PLA2G4A: variants seen among roughly 807,000 people sequenced by gnomAD.
The protein encoded by PLA2G4A is cytosolic phospholipase A2.
PLA2G4A carries 40 observed loss-of-function variants against 81.9 expected under a neutral mutation model. The ratio of observed to expected loss-of-function variants is 0.49; its 90% CI spans 0.38 to 0.64. The LOEUF is 0.64. Ranked by LOEUF, PLA2G4A falls within the 30% of genes least tolerant of loss-of-function variation. The probability of loss-of-function intolerance (pLI) is 0.00; values close to 1 mark genes in which losing one functional copy is unlikely to be tolerated. For missense variants in PLA2G4A, 715 were observed against 905.1 expected, an observed-to-expected ratio of 0.79 and a Z score of 2.69; for synonymous variants, 302 against 296.9, an observed-to-expected ratio of 1.02 and a Z score of -0.18.
chr1:186,918,366 C>T (rs1558436404), intron 7 of PLA2G4A, among the ~76,000 whole-genome samples: 1 of 152,082 alleles, frequency 6.6e-6, no homozygotes, highest in African/African-American at 2.4e-5. Flanking sequence ...TTAACAGGCC[C>T]TTTTCCTTAT....
At chr1:186,911,135 G>GGAA in intron 6 of PLA2G4A, 113 bp from the exon 7 acceptor site, 1 of 840,392 alleles carries the variant, frequency 1.2e-6, no homozygotes, top group Non-Finnish European at 2.1e-6. Flanking sequence ...ATGGCTTGAG[G>GGAA]GAAGCAGTCA....
chr1:186,912,445 C>T (rs1036696914), intron 7 of PLA2G4A, among the ~76,000 whole-genome samples: 1 of 151,976 alleles, frequency 6.6e-6, no homozygotes, highest in Non-Finnish European at 1.5e-5. Flanking sequence ...CCTAGAAATC[C>T]TCTGTGCTCC....
intron 1 of PLA2G4A, among the ~76,000 whole-genome samples, chr1:186,837,736 C>CCAAAAAAA (rs1553267317): frequency 5.6e-4 from 31 of 55,228 alleles, no homozygotes; most frequent in Non-Finnish European, 6.5e-5. Flanking sequence ...GACTCCGTCT[C>CCAAAAAAA]AAAAAAAAAA....
intron 7 of PLA2G4A, among the ~76,000 whole-genome samples, chr1:186,915,678 C>T (rs959984182): frequency 4.6e-5 from 7 of 152,008 alleles, no homozygotes; most frequent in Admixed American, 1.3e-4. Flanking sequence ...AGTATAATGC[C>T]GTGGGGGCTG....
intron 1 of PLA2G4A, among the ~76,000 whole-genome samples, chr1:186,841,204 T>A (rs1172053501): frequency 1.3e-5 from 2 of 152,080 alleles, no homozygotes; most frequent in Non-Finnish European, 2.9e-5. Context: ...AATTTATAAC[T>A]ATGATTCAAA....
At chr1:186,837,889 A>G (rs774763195) in intron 1 of PLA2G4A, among the ~76,000 whole-genome samples, 3 of 152,100 alleles carry the variant, frequency 2.0e-5, no homozygotes, top group Non-Finnish European at 4.4e-5. Context: ...CAGGTCTGTA[A>G]CAGTAGGAGG....
In PLA2G4A at chr1:186,971,544, T is replaced by A. The variant is rs985898711; in HGVS notation, c.1764+5951T>A. On this transcript the variant is annotated intron_variant, in intron 15 of 17. Coordinates refer to ENST00000367466, the MANE Select transcript of PLA2G4A (RefSeq NM_024420.3). ...ACTTAATATAAAGTAAATTGCAATA[T>A]ATTACACATAATATAGTTTTTCTTG... Among the ~76,000 whole-genome samples, 12 of 152,110 alleles carry A rather than the reference T, an allele frequency of 7.9e-5. No individual in the cohort carries two copies. In the East Asian group the frequency reaches 2.3e-3, roughly 29 times the overall value.
At chr1:186,946,081 G>C (rs1023248311) in intron 10 of PLA2G4A, among the ~76,000 whole-genome samples, 2 of 152,084 alleles carry the variant, frequency 1.3e-5, no homozygotes, top group African/African-American at 4.8e-5. Context: ...GAGCCCCCGC[G>C]CTTAGACAGT....
In PLA2G4A at chr1:186,988,365, C is replaced by G. The variant is rs777931970; in HGVS notation, c.2119-12C>G. 1 of 1,604,796 alleles carries G rather than the reference C, an allele frequency of 6.2e-7. No homozygotes were observed. Among genetic ancestry groups the G allele is most frequent in the Non-Finnish European group, 8.5e-7 (1 of 1,172,412 alleles). ...GCAGCGCTAATTATACAACTTCTGT[C>G]TCTATTTGCAGGTGATAAAAGAAGC... On this transcript the variant is annotated splice_polypyrimidine_tract_variant and intron_variant, in intron 17 of 17. Transcript: ENST00000367466.
At chr1:186,895,152 T>C (rs1424746868) in intron 5 of PLA2G4A, among the ~76,000 whole-genome samples, 1 of 152,216 alleles carries the variant, frequency 6.6e-6, no homozygotes, top group East Asian at 1.9e-4. Context: ...CTGTTCAATG[T>C]TTCATTTTCC....
In PLA2G4A at chr1:186,979,346, A is replaced by T. The variant is rs1439710781; in HGVS notation, c.1992A>T (p.Glu664Asp). Reference protein sequence around the residue: ...GVPRETEEEKEIADFDIFDDP... With the variant: ...GVPRETEEEKDIADFDIFDDP... ...CAAGGGAAACTGAGGAAGAGAAAGA[A>T]ATCGCTGACTTTGATATTTTTGATG... is the stretch of plus-strand genomic sequence containing the variant. Residue 664 changes from glutamate to aspartate, a missense_variant, in exon 17 of 18, where the codon GAA becomes GAT. By Grantham distance (45) the Glu-to-Asp change is conservative. Coordinates refer to ENST00000367466, the MANE Select transcript of PLA2G4A (RefSeq NM_024420.3). 3.1e-6 allele frequency: 5 copies of T among 1,612,308 alleles called. No homozygotes were observed. In the South Asian group the frequency reaches 4.4e-5, roughly 14 times the overall value.
chr1:186,950,330 G>T (rs1186479282), intron 12 of PLA2G4A, among the ~76,000 whole-genome samples: 1 of 151,916 alleles, frequency 6.6e-6, no homozygotes, highest in African/African-American at 2.4e-5. Flanking sequence ...TAAAGAAAAA[G>T]GCATATTTTT....
intron 15 of PLA2G4A, among the ~76,000 whole-genome samples, chr1:186,969,946 C>T (rs1031573812): frequency 6.6e-6 from 1 of 151,874 alleles, no homozygotes; most frequent in Non-Finnish European, 1.5e-5. Flanking sequence ...ATTACTGGAT[C>T]ATATGGTAGT....
In PLA2G4A at chr1:186,965,586, C is replaced by A; in HGVS notation, c.1757C>A (p.Pro586Gln). 6.2e-7 allele frequency: 1 copy of A among 1,607,388 alleles called. No individual in the cohort carries two copies. Among genetic ancestry groups the A allele is most frequent in the Non-Finnish European group, 8.5e-7 (1 of 1,173,854 alleles). ...FSARPSDSSP[P>Q]FKELLLAEKW... Reference sequence around the variant, plus strand: ...GCAAGGCCAAGTGACTCTAGTCCTCCGTTCAAGGTAAGGATACATAATACA... The same window carrying A: ...GCAAGGCCAAGTGACTCTAGTCCTCAGTTCAAGGTAAGGATACATAATACA... Residue 586 changes from proline to glutamine, a missense_variant, in exon 15 of 18, where the codon CCG (proline) becomes CAG (glutamine). Pro to Gln is a moderately conservative substitution (Grantham distance 76, BLOSUM62 -1). Transcript: ENST00000367466.
rs559757246 is a variant in PLA2G4A, at chr1:186,921,140, G to A, written c.558+9751G>A. 7.9e-5 allele frequency among the ~76,000 whole-genome samples: 12 copies of A among 152,154 alleles called. No homozygotes were observed. The East Asian group carries it at 1.2e-3, about 15-fold the overall frequency. On this transcript the variant is annotated intron_variant, in intron 7 of 17. Coordinates refer to ENST00000367466, the MANE Select transcript of PLA2G4A (RefSeq NM_024420.3). Reference sequence around the variant, plus strand: ...CCTTCTATTAATGCCTCACGGTACCGTCTTAGCCTTTCCATGTCTGGTCTC... The same window carrying A: ...CCTTCTATTAATGCCTCACGGTACCATCTTAGCCTTTCCATGTCTGGTCTC...
chr1:186,843,471 G>A (rs182257023), intron 1 of PLA2G4A, among the ~76,000 whole-genome samples: 28 of 152,224 alleles, frequency 1.8e-4, no homozygotes, highest in Admixed American at 1.6e-3. Context: ...TTATCACTCC[G>A]GGCCCAACAG....
intron 2 of PLA2G4A, among the ~76,000 whole-genome samples, chr1:186,855,648 T>C (rs1652524856): frequency 6.6e-6 from 1 of 151,960 alleles, no homozygotes; most frequent in Admixed American, 6.6e-5. Context: ...TTCAACGTTG[T>C]GTCTATGAGA....
At chr1:186,953,045 C>T (rs10752986) in intron 13 of PLA2G4A, among the ~76,000 whole-genome samples, 145,194 of 152,284 alleles carry the variant, frequency 0.95, 69,250 homozygotes, top group East Asian at 1. Flanking sequence ...TGTTTTGGTG[C>T]AGACACAGAT....
intron 8 of PLA2G4A, among the ~76,000 whole-genome samples, chr1:186,938,210 A>T (rs1302575400): frequency 6.6e-6 from 1 of 152,094 alleles, no homozygotes; most frequent in Non-Finnish European, 1.5e-5. Context: ...TTCTTGAGGG[A>T]AACAGATAAG....
Sources: gnomAD v4.1 joint callset for allele counts (sites outside exome capture counted in the v4.1 genomes callset) on GRCh38, gnomAD v4.1.1 for gene constraint, MANE v1.5 for transcripts, NCBI Gene and HGNC (gene_info 2026-07-23, HGNC 2026-07-21) for gene names.